The following KMT2E variants were observed in gnomAD, a reference collection of about 807,000 sequenced individuals.
KMT2E encodes the protein histone reader KMT2E.
A neutral mutation model predicts 184.6 loss-of-function variants in KMT2E; 30 were observed. The observed-to-expected ratio is 0.16, with a 90% CI of 0.12 to 0.22. The LOEUF (loss-of-function observed/expected upper bound fraction) is 0.22, where lower values mean the gene tolerates loss of function less well. Among genes scored for constraint, KMT2E ranks in the 10% least tolerant of loss-of-function variants. The pLI is 1.00. For synonymous variants in KMT2E, 815 were observed against 776.5 expected (o/e 1.05, Z -0.82); for missense variants, 2,023 against 2,237.4 (o/e 0.90, Z 1.93).
chr7:105,040,952 C>G lies in KMT2E; in HGVS notation c.-1C>G. The stretch of plus-strand genomic sequence containing the variant: ...AATCGAATTTACCAGAGGCGAACGT[C>G]ATGAGCATAGTGATCCCATTGGGGG... On this transcript the variant is annotated 5_prime_UTR_variant, in exon 3 of 27. Transcript: ENST00000311117. The G allele has an allele frequency of 1.2e-6, 2 of 1,607,650 alleles. No homozygotes were observed. The highest frequency in any genetic ancestry group is 1.7e-6 in the Non-Finnish European group (2 of 1,177,848).
At chr7:105,081,309 G>A (rs1412868826) in intron 12 of KMT2E, among the ~76,000 whole-genome samples, 1 of 151,984 alleles carries the variant, frequency 6.6e-6, no homozygotes, top group Non-Finnish European at 1.5e-5. Flanking sequence ...GCGTGAACCT[G>A]GGAGGCGGAG....
chr7:105,051,477 C>T (rs959914302), intron 3 of KMT2E, among the ~76,000 whole-genome samples: 4 of 151,992 alleles, frequency 2.6e-5, no homozygotes, highest in Non-Finnish European at 5.9e-5. Flanking sequence ...GAGCCACTGC[C>T]CCTGCATCAT....
rs772481965 is a variant in KMT2E at position 105,091,300 on chromosome 7, A to G, written c.1708A>G (p.Arg570Gly). Residue 570 changes from arginine (R) to glycine (G), a missense_variant, in exon 15 of 27, where the codon AGG (arginine) becomes GGG (glycine). Arg to Gly is a moderately radical substitution (Grantham distance 125). Transcript: ENST00000311117. ...EMESEEQIAE[R>G]KRKMTREERK... is the part of the protein sequence containing the mutation. ...GGAATCAGAGGAGCAGATTGCAGAA[A>G]GGAAAAGGAAGATGGTAAGTTGGGA... 1.3e-6 allele frequency: 2 copies of G among 1,599,312 alleles called. No individual in the cohort carries two copies. The highest frequency in any genetic ancestry group is 2.2e-5 in the East Asian group (1 of 44,810).
At chr7:105,063,314 AAAT>A (rs1346810272) in intron 4 of KMT2E, 34 bp from the exon 5 acceptor site, 1 of 1,383,014 alleles carries the variant, frequency 7.2e-7, no homozygotes, top group African/African-American at 1.5e-5. Flanking sequence ...TGTTGAAATT[AAAT>A]AATATTGTGC....
chr7:105,059,401 T>C (rs976262044), intron 3 of KMT2E, among the ~76,000 whole-genome samples: 8 of 152,248 alleles, frequency 5.3e-5, no homozygotes, highest in African/African-American at 1.9e-4. Flanking sequence ...TTTTAAAGAA[T>C]TTAAAAAGTG....
intron 7 of KMT2E, among the ~76,000 whole-genome samples, chr7:105,074,305 G>A (rs960304206): frequency 2.6e-5 from 4 of 152,124 alleles, no homozygotes; most frequent in Non-Finnish European, 5.9e-5. Flanking sequence ...TGAGATGGCT[G>A]GGTCAGAAGG....
At chr7:105,049,032 G>A (rs531416139) in intron 3 of KMT2E, among the ~76,000 whole-genome samples, 150 of 152,306 alleles carry the variant, frequency 9.8e-4, no homozygotes, top group African/African-American at 3.4e-3. Flanking sequence ...AACAAATTTA[G>A]ATTGTCCTAA....
intron 15 of KMT2E, among the ~76,000 whole-genome samples, chr7:105,099,278 G>T (rs1353783374): frequency 6.6e-6 from 1 of 152,158 alleles, no homozygotes; most frequent in Non-Finnish European, 1.5e-5. Flanking sequence ...GGCAGTAATT[G>T]GAAAGAAGAG....
intron 3 of KMT2E, chr7:105,061,904 T>C: frequency 6.4e-6 from 2 of 311,122 alleles, no homozygotes; most frequent in Non-Finnish European, 1.2e-5. Flanking sequence ...ATAATTGGAC[T>C]CTAGTAATTT....
Position 105,112,003 on chromosome 7 carries a change from C to T in KMT2E, c.4247C>T (p.Pro1416Leu), listed in dbSNP as rs762349452. ...NNNQALSKNH[P>L]PQTHVRNSSE... The stretch of plus-strand genomic sequence containing the variant: ...AACCAAGCACTTTCAAAGAATCATC[C>T]TCCTCAGACACACGTTCGTAATTCA... Residue 1416 changes from proline to leucine, a missense_variant, in exon 27 of 27, where the codon CCT (proline) becomes CTT (leucine). Pro to Leu is a moderately conservative substitution (Grantham distance 98, BLOSUM62 -3). Around this residue, in one of 8 missense-constraint regions of KMT2E, gnomAD observed 1,108 missense variants for 1,050.9 expected, o/e 1.05. Coordinates refer to ENST00000311117, the MANE Select transcript of KMT2E (RefSeq NM_182931.3). The T allele has an allele frequency of 6.2e-7, 1 of 1,614,192 alleles. No homozygotes were observed. The highest frequency in any genetic ancestry group is 1.7e-5 in the Admixed American group (1 of 60,026).
At chr7:105,042,747 G>A (rs780516931) in intron 3 of KMT2E, among the ~76,000 whole-genome samples, 4 of 152,040 alleles carry the variant, frequency 2.6e-5, no homozygotes, top group Admixed American at 6.5e-5. Flanking sequence ...AATTTCTTAC[G>A]TATTTTCATA....
chr7:105,035,432 G>C lies in KMT2E; in HGVS notation c.-188-2694G>C, dbSNP rs151326115. Among the ~76,000 whole-genome samples the C allele has an allele frequency of 3.0e-3, 447 of 151,004 alleles. 15 individuals are homozygous for C. In the East Asian group the frequency reaches 0.062, roughly 21 times the overall value. ...TGTCCACCTGCCTCAGCCTCCCAAA[G>C]TGCTGGGATTACAAGTGTGAGCCAC... On this transcript the variant is annotated intron_variant, in intron 1 of 26. Transcript: ENST00000311117.
intron 13 of KMT2E, among the ~76,000 whole-genome samples, chr7:105,084,740 G>A (rs1159506413): frequency 6.6e-6 from 1 of 152,064 alleles, no homozygotes; most frequent in Non-Finnish European, 1.5e-5. Context: ...AACTGCTCCT[G>A]GGCATGTGTC....
intron 3 of KMT2E, among the ~76,000 whole-genome samples, chr7:105,046,092 G>T (rs1400783042): frequency 3.3e-5 from 5 of 151,906 alleles, no homozygotes; most frequent in African/African-American, 1.2e-4. Flanking sequence ...ATAGCCCTCT[G>T]CATTACTAGA....
At chr7:105,089,639 A>G (rs531854389) in intron 13 of KMT2E, among the ~76,000 whole-genome samples, 2 of 152,294 alleles carry the variant, frequency 1.3e-5, no homozygotes, top group African/African-American at 4.8e-5. Flanking sequence ...CCTATATGAA[A>G]CATGAGTGAA....
intron 1 of KMT2E, among the ~76,000 whole-genome samples, chr7:105,022,448 A>T (rs535996237): frequency 1.4e-3 from 214 of 152,178 alleles, no homozygotes; most frequent in African/African-American, 4.8e-3. Context: ...CTAGATTAGA[A>T]ATATGTGTTT....
Position 105,112,809 on chromosome 7 carries a change from G to A in KMT2E, c.5053G>A (p.Gly1685Ser). 2 of 668,630 alleles carry A rather than the reference G, an allele frequency of 3.0e-6. No individual in the cohort carries two copies. The highest frequency in any genetic ancestry group is 4.0e-6 in the Non-Finnish European group (2 of 496,822). 41.4% of individuals were successfully genotyped at this position (668,630 alleles called of 1,614,324 possible). ...CTTACCCCCACCCCCACCCCCTCCT[G>A]GTCCTGCCCCTCATCACCATCCACC... ...HHLPPPPPPP[G>S]PAPHHHPPPH... The change falls in exon 27 of 27, where the codon GGT becomes AGT. Residue 1685 changes from glycine to serine, a missense_variant. By Grantham distance (56) the Gly-to-Ser change is moderately conservative. Around this residue, in one of 8 missense-constraint regions of KMT2E, gnomAD observed 1,108 missense variants for 1,050.9 expected, o/e 1.05. Transcript: ENST00000311117.
chr7:105,062,929 T>C (rs2129567187), intron 4 of KMT2E, among the ~76,000 whole-genome samples: 1 of 151,830 alleles, frequency 6.6e-6, no homozygotes, highest in East Asian at 1.9e-4. Context: ...TTATATGTTT[T>C]ATAGTGATAA....
At chr7:105,041,168 C>CT in intron 3 of KMT2E, 145 bp downstream of exon 3, 1 of 574,132 alleles carries the variant, frequency 1.7e-6, no homozygotes, top group South Asian at 2.5e-5. Flanking sequence ...GCGAAGTTAC[C>CT]TTTCTTTCTC....
Sources: gnomAD v4.1 joint callset for allele counts (sites outside exome capture counted in the v4.1 genomes callset) on GRCh38, gnomAD v4.1.1 for gene constraint, gnomAD v4.1.1 regional missense constraint, MANE v1.5 for transcripts, NCBI Gene and HGNC (gene_info 2026-07-23, HGNC 2026-07-21) for gene names.